Variants in PLXND1 observed in about 807,000 individuals in gnomAD.
PLXND1 encodes plexin-D1.
A neutral mutation model predicts 197.7 loss-of-function variants in PLXND1; 54 were observed. That is an observed-to-expected ratio of 0.27 (90% CI 0.22 to 0.34). PLXND1 has a LOEUF of 0.34. Ranked by LOEUF, PLXND1 falls within the 10% of genes least tolerant of loss-of-function variation. The pLI is 1.00. For missense variants in PLXND1, 2,127 were observed against 2,699.2 expected, an observed-to-expected ratio of 0.79 and a Z score of 4.70; for synonymous variants, 1,180 against 1,161.2, an observed-to-expected ratio of 1.02 and a Z score of -0.33.
intron 1 of PLXND1, among the ~76,000 whole-genome samples, chr3:129,592,998 C>A (rs575521289): frequency 6.6e-6 from 1 of 152,192 alleles, no homozygotes. Flanking sequence ...CAAAATACCC[C>A]CTGACCCCAG....
intron 22 of PLXND1, among the ~76,000 whole-genome samples, chr3:129,567,251 C>T (rs954955665): frequency 6.6e-5 from 10 of 152,156 alleles, no homozygotes; most frequent in South Asian, 4.1e-4. Context: ...GCCAGGACAG[C>T]GGGGCTGCAG....
rs2108811476 is a variant in PLXND1, at chr3:129,605,786, T to C, written c.854A>G (p.His285Arg). The C allele has an allele frequency of 3.2e-6, 5 of 1,586,812 alleles. No homozygotes were observed. The East Asian group carries it at 9.3e-5, about 30-fold the overall frequency. The change falls in exon 1 of 36, where the codon CAC becomes CGC. Residue 285 changes from histidine (H) to arginine (R), a missense_variant. This residue lies in a region of PLXND1 where 1,095 missense variants were observed against 1,259.8 expected (regional missense o/e 0.87). Coordinates refer to ENST00000324093, the MANE Select transcript of PLXND1 (RefSeq NM_015103.3). ...HKLGFVSAFL[H>R]PSDPPPGAQS... ...TGCACCCGGCGGCGGGTCGGACGGG[T>C]GCAGGAAGGCGCTCACGAAGCCCAG...
At position 129,565,435 on chromosome 3, in the gene PLXND1, C is replaced by G. The variant is rs551080661; in HGVS notation, c.4426G>C (p.Ala1476Pro). 1 of 1,613,926 alleles carries G rather than the reference C, an allele frequency of 6.2e-7. No homozygotes were observed. The highest frequency in any genetic ancestry group is 8.5e-7 in the Non-Finnish European group (1 of 1,179,998). Residue 1476 changes from alanine to proline, a missense_variant, in exon 25 of 36, where the codon GCC (alanine) becomes CCC (proline). Physicochemically the swap from Ala to Pro is conservative, Grantham distance 27. Transcript: ENST00000324093. ...LLVDLIDASA[A>P]KNPKLMLRRT... ...CGCAGCATGAGCTTGGGGTTCTTGG[C>G]GGCCGAGGCGTCAATGAGGTCCACC...
Position 129,605,828 on chromosome 3 carries a change from G to A in PLXND1, c.812C>T (p.Ala271Val). 3.1e-6 allele frequency: 5 copies of A among 1,612,128 alleles called. 1 individual carries two copies. The Middle Eastern group carries it at 5.0e-4, about 160-fold the overall frequency. Residue 271 changes from alanine to valine, a missense_variant, in exon 1 of 36, where the codon GCC becomes GTC. Physicochemically the swap from Ala to Val is moderately conservative, Grantham distance 64. This residue lies in a region of PLXND1 where 1,095 missense variants were observed against 1,259.8 expected (regional missense o/e 0.87). Coordinates refer to ENST00000324093, the MANE Select transcript of PLXND1 (RefSeq NM_015103.3). ...DDNILKIKQGAKEQHKLGFVS... is the reference protein window; with the variant it reads ...DDNILKIKQGVKEQHKLGFVS... ...GAAGCCCAGCTTGTGCTGCTCCTTG[G>A]CGCCCTGCTTGATCTTGAGGATGTT...
At chr3:129,583,839 G>A (rs1170867794) in intron 7 of PLXND1, among the ~76,000 whole-genome samples, 170 bp from the exon 8 acceptor site, 1 of 152,244 alleles carries the variant, frequency 6.6e-6, no homozygotes, top group Non-Finnish European at 1.5e-5. Flanking sequence ...CTGCTAACAA[G>A]AGGTATACAA....
intron 17 of PLXND1, 38 bp downstream of exon 17, chr3:129,571,471 C>A (rs2085226746): frequency 1.3e-6 from 2 of 1,589,000 alleles, no homozygotes; most frequent in Non-Finnish European, 1.7e-6. Context: ...TGTGCCTGGG[C>A]CACCCCCTCC....
intron 8 of PLXND1, 118 bp from the exon 9 acceptor site, chr3:129,578,551 TC>T: frequency 1.5e-6 from 1 of 648,128 alleles, no homozygotes; most frequent in Admixed American, 2.8e-5. Flanking sequence ...AAAACACTAG[TC>T]ATTCAGTCCT....
In PLXND1 at chr3:129,606,027, TGCCCCCC is replaced by T; in HGVS notation, c.606_612del (p.Gly203AlafsTer76). The T allele has an allele frequency of 6.2e-7, 1 of 1,601,378 alleles. No homozygotes were observed. Among genetic ancestry groups the T allele is most frequent in the South Asian group, 1.1e-5 (1 of 90,326 alleles). ...TACGTGGCGCCCACGAGCAGGCGGC[TGCCCCCC>T]GCGCCCGCGGCGGGAGGCAGAACTA... On this transcript the variant is annotated frameshift_variant, in exon 1 of 36. Coordinates refer to ENST00000324093, the MANE Select transcript of PLXND1 (RefSeq NM_015103.3). LOFTEE classifies it high-confidence loss of function.
Position 129,558,290 on chromosome 3 carries a change from C to T in PLXND1, c.5445+138G>A, listed in dbSNP as rs1167121714. On this transcript the variant is annotated intron_variant, in intron 33 of 35. Transcript: ENST00000324093. This position sits in a 1 kb window ranked among gnomAD's most constrained non-coding sequence, Gnocchi z 4.1. ...CTGAATGAGTCACTCATCCCACATCCCCTAGACCTGAGATCTTTTGGTTCC... is the reference window on the plus strand; with the variant it reads ...CTGAATGAGTCACTCATCCCACATCTCCTAGACCTGAGATCTTTTGGTTCC... 4 of 784,468 alleles carry T rather than the reference C, an allele frequency of 5.1e-6. No homozygotes were observed. The allele number at this position is 784,468 out of a possible 1,614,324, so 48.6% of individuals were successfully genotyped here.
chr3:129,575,390 T>C (rs1650749355), intron 11 of PLXND1, 79 bp downstream of exon 11: 6 of 862,386 alleles, frequency 7.0e-6, no homozygotes, highest in Non-Finnish European at 1.1e-5. Context: ...GGGCAACCAC[T>C]GGAATGAGTC....
intron 8 of PLXND1, among the ~76,000 whole-genome samples, chr3:129,582,688 G>A (rs2085402560): frequency 6.6e-6 from 1 of 152,246 alleles, no homozygotes. Flanking sequence ...GGGCAAAGGT[G>A]AGAGGCCACC....
intron 8 of PLXND1, among the ~76,000 whole-genome samples, chr3:129,582,288 C>T (rs911938974): frequency 4.6e-5 from 7 of 152,252 alleles, no homozygotes; most frequent in Admixed American, 1.3e-4. Context: ...TTCAGGGATT[C>T]CTGAGAAGAT....
chr3:129,600,205 C>T (rs2085687338), intron 1 of PLXND1, among the ~76,000 whole-genome samples: 1 of 152,124 alleles, frequency 6.6e-6, no homozygotes, highest in Non-Finnish European at 1.5e-5. Flanking sequence ...TGCACCCAGG[C>T]GTCTCACCCA....
Position 129,583,579 on chromosome 3 carries a change from T to C in PLXND1, c.2229A>G (p.Ser743=), listed in dbSNP as rs750835581. The change falls in exon 8 of 36, where the codon TCA becomes TCG. Residue 743 remains serine, a synonymous_variant. Coordinates refer to ENST00000324093, the MANE Select transcript of PLXND1 (RefSeq NM_015103.3). ...CVSNQSRCEA[S]PNPTSPQDCP... is the part of the protein sequence containing the mutation. ...TAGCCTGGCTTACCGTGGGGTTTGG[T>C]GAGGCCTCGCACCGAGACTGGTTGG... 4 of 1,612,228 alleles carry C rather than the reference T, an allele frequency of 2.5e-6. No individual in the cohort carries two copies. Among genetic ancestry groups the C allele is most frequent in the Admixed American group, 3.3e-5 (2 of 59,910 alleles).
intron 2 of PLXND1, 38 bp downstream of exon 2, chr3:129,589,313 C>CCCCCCCCCCCCCCCCCCCCCCCCCCCCA: frequency 1.7e-6 from 1 of 592,308 alleles, no homozygotes; most frequent in Non-Finnish European, 3.0e-6. Context: ...GGGAGCCTCC[C>CCCCCCCCCCCCCCCCCCCCCCCCCCCCA]ACCCCCACCC....
At chr3:129,605,263 C>G in intron 1 of PLXND1, 66 bp downstream of exon 1, 2 of 423,526 alleles carry the variant, frequency 4.7e-6, no homozygotes, top group Non-Finnish European at 7.6e-6. Context: ...CGCTCGGTTC[C>G]CGCCCGCCCC....
intron 3 of PLXND1, 30 bp from the exon 4 acceptor site, chr3:129,586,302 T>C (rs1314400721): frequency 1.1e-5 from 17 of 1,488,642 alleles, no homozygotes; most frequent in Non-Finnish European, 1.5e-5. Flanking sequence ...CCCAGCTCAA[T>C]GGGACTGCCA....
At position 129,606,601 on chromosome 3, in the gene PLXND1, G is replaced by T; in HGVS notation, c.39C>A (p.Ala13=). 8.3e-7 allele frequency: 1 copy of T among 1,199,836 alleles called. No individual in the cohort carries two copies. Among genetic ancestry groups the T allele is most frequent in the South Asian group, 4.1e-5 (1 of 24,162 alleles). The allele number at this position is 1,199,836 out of a possible 1,614,324, so 74.3% of individuals were successfully genotyped here. The change falls in exon 1 of 36, where the codon GCC becomes GCA. Residue 13 remains alanine, a synonymous_variant. Transcript: ENST00000324093. ...GCGGGGGGCTGGCGGCGGCGGCCCG[G>T]GCGCTAAGGGGTGCGCCGCCCGCGG... The part of the protein sequence containing the change: ...PRAAGGAPLS[A]RAAAASPPPF...
In PLXND1 at chr3:129,555,719, C is replaced by T. The variant is rs933181323; in HGVS notation, c.*593G>A. ...TGCTCCTGGAGAAGCCCACAGAGCA[C>T]CCCATGGCGCGGGCACTGCCCACTC... On this transcript the variant is annotated 3_prime_UTR_variant, in exon 36 of 36. Transcript: ENST00000324093. The T allele has an allele frequency of 1.9e-6, 1 of 522,616 alleles. No homozygotes were observed. The highest frequency in any genetic ancestry group is 3.3e-6 in the Non-Finnish European group (1 of 300,502). The allele number at this position is 522,616 out of a possible 1,614,324, so 32.4% of individuals were successfully genotyped here. A position where few individuals can be genotyped will look rare whatever the true frequency, so the allele number is the denominator to read the frequency against.
Sources: gnomAD v4.1 joint callset for allele counts (sites outside exome capture counted in the v4.1 genomes callset) on GRCh38, gnomAD v4.1.1 for gene constraint, gnomAD v4.1.1 regional missense constraint, Gnocchi (gnomAD v3.1) non-coding constraint, MANE v1.5 for transcripts, NCBI Gene and HGNC (gene_info 2026-07-23, HGNC 2026-07-21) for gene names.